The following ADGRL3 variants were observed in gnomAD, a reference collection of about 807,000 sequenced individuals.
ADGRL3 encodes the protein calcium-independent alpha-latrotoxin receptor 3.
Under a neutral mutation model 153.5 loss-of-function variants are expected in ADGRL3, and 62 were observed. The observed-to-expected ratio is 0.40, with a 90% CI of 0.33 to 0.50. The LOEUF (loss-of-function observed/expected upper bound fraction) is 0.50. Among genes scored for constraint, ADGRL3 ranks in the 20% least tolerant of loss-of-function variants. The probability of loss-of-function intolerance (pLI) is 0.47; values close to 1 mark genes in which losing one functional copy is unlikely to be tolerated. For synonymous variants in ADGRL3, 710 were observed against 672.5 expected (o/e 1.06, Z -0.86); for missense variants, 1,641 against 1,859.4 (o/e 0.88, Z 2.16).
At chr4:61,761,858 G>C (rs754740135) in intron 8 of ADGRL3, among the ~76,000 whole-genome samples, 1 of 152,070 alleles carries the variant, frequency 6.6e-6, no homozygotes, top group East Asian at 1.9e-4. Context: ...TTGTGCCCAG[G>C]AGCTGGAGGC....
chr4:61,286,714 A>G (rs1176813958), intron 1 of ADGRL3, among the ~76,000 whole-genome samples: 1 of 151,604 alleles, frequency 6.6e-6, no homozygotes, highest in Non-Finnish European at 1.5e-5. Flanking sequence ...TCTTATGTAA[A>G]TTTATCATAT....
At chr4:61,247,436 G>A (rs1022170097) in intron 1 of ADGRL3, among the ~76,000 whole-genome samples, 2 of 152,030 alleles carry the variant, frequency 1.3e-5, no homozygotes, top group Non-Finnish European at 2.9e-5. Flanking sequence ...CTTTTTGACA[G>A]CACAAATTGT....
chr4:61,269,666 A>G (rs1464049235), intron 1 of ADGRL3, among the ~76,000 whole-genome samples: 1 of 151,776 alleles, frequency 6.6e-6, no homozygotes, highest in African/African-American at 2.4e-5. Flanking sequence ...CGTTTGCAGA[A>G]TAAGCTGTCA....
intron 2 of ADGRL3, among the ~76,000 whole-genome samples, chr4:61,465,401 T>TAGTTACTCAGCTCTG (rs2152636575): frequency 6.6e-6 from 1 of 152,224 alleles, no homozygotes; most frequent in South Asian, 2.1e-4. Flanking sequence ...TGCTTCATTC[T>TAGTTACTCAGCTCTG]AGTTACTCAG....
rs140642428 is a variant in ADGRL3 at position 61,886,279 on chromosome 4, T to C, written c.1481-6377T>C. Among the ~76,000 whole-genome samples the C allele has an allele frequency of 2.0e-5, 3 of 152,324 alleles. No individual in the cohort carries two copies. The East Asian group carries it at 5.8e-4, about 29-fold the overall frequency. On this transcript the variant is annotated intron_variant, in intron 9 of 26. Transcript: ENST00000683033. The stretch of plus-strand genomic sequence containing the variant: ...ATGGGGTCTCAGGCAGAATTTCCTC[T>C]TTCTACCCAGGGCACTGCACAAGTA...
At chr4:61,337,223 C>A (rs72614734) in intron 1 of ADGRL3, among the ~76,000 whole-genome samples, 20,454 of 152,094 alleles carry the variant, frequency 0.13, 1,516 homozygotes, top group South Asian at 0.24. Context: ...TACCCCTGAC[C>A]CCTTTGTGGG....
At position 61,768,644 on chromosome 4, in the gene ADGRL3, A is replaced by G. The variant is rs556287461; in HGVS notation, c.1399+35090A>G. Among the ~76,000 whole-genome samples, 8 of 152,226 alleles carry G rather than the reference A, an allele frequency of 5.3e-5. No individual in the cohort carries two copies. The South Asian group carries it at 1.5e-3, about 28-fold the overall frequency. Reference sequence around the variant, plus strand: ...TATTGGGGTCAAGCGGCATTGCAGAAGAAAATAAGACTCTTAGATTTTAGG... The same window carrying G: ...TATTGGGGTCAAGCGGCATTGCAGAGGAAAATAAGACTCTTAGATTTTAGG... On this transcript the variant is annotated intron_variant, in intron 8 of 26. Transcript: ENST00000683033.
intron 2 of ADGRL3, among the ~76,000 whole-genome samples, chr4:61,406,866 A>G (rs1395633611): frequency 6.6e-6 from 1 of 152,030 alleles, no homozygotes; most frequent in Non-Finnish European, 1.5e-5. Context: ...AAATGATGTC[A>G]TTGGAATTTG....
chr4:61,799,575 C>T (rs2097463462), intron 8 of ADGRL3, among the ~76,000 whole-genome samples: 1 of 152,018 alleles, frequency 6.6e-6, no homozygotes, highest in Non-Finnish European at 1.5e-5. Flanking sequence ...TATCAATAGC[C>T]CTATGTTATA....
intron 1 of ADGRL3, among the ~76,000 whole-genome samples, chr4:61,285,232 C>T (rs2093887238): frequency 6.6e-6 from 1 of 151,740 alleles, no homozygotes; most frequent in Non-Finnish European, 1.5e-5. Context: ...TTTGATAAGC[C>T]TTTAACAAAT....
chr4:61,925,562 G>A (rs1429635325), intron 13 of ADGRL3, among the ~76,000 whole-genome samples: 2 of 152,098 alleles, frequency 1.3e-5, no homozygotes, highest in African/African-American at 4.8e-5. Context: ...TCTGGGGTGG[G>A]CTCTGAGAGA....
At chr4:61,551,457 G>A (rs1406089194) in intron 4 of ADGRL3, among the ~76,000 whole-genome samples, 1 of 152,068 alleles carries the variant, frequency 6.6e-6, no homozygotes, top group Non-Finnish European at 1.5e-5. Context: ...TCAAAACTAA[G>A]AATTTTAATT....
chr4:61,877,397 T>TA (rs2098482091), intron 9 of ADGRL3, among the ~76,000 whole-genome samples: 1 of 152,066 alleles, frequency 6.6e-6, no homozygotes, highest in South Asian at 2.1e-4. Context: ...ATGGGGTGAG[T>TA]AGTTGGTATG....
intron 5 of ADGRL3, among the ~76,000 whole-genome samples, chr4:61,619,017 C>A (rs559574887): frequency 9.2e-5 from 14 of 152,252 alleles, no homozygotes; most frequent in African/African-American, 3.1e-4. Flanking sequence ...CATGCCAGGT[C>A]CCAAGTTTGT....
chr4:61,620,284 A>G (rs1387213264), intron 5 of ADGRL3, among the ~76,000 whole-genome samples: 1 of 152,160 alleles, frequency 6.6e-6, no homozygotes, highest in Non-Finnish European at 1.5e-5. Flanking sequence ...GACAGGCGAT[A>G]ATAGCTAGAC....
chr4:61,913,971 T>C (rs570668501), intron 13 of ADGRL3, among the ~76,000 whole-genome samples: 6 of 152,298 alleles, frequency 3.9e-5, no homozygotes, highest in Admixed American at 2.0e-4. Context: ...TATACATGAA[T>C]ATCTTGATAT....
intron 2 of ADGRL3, among the ~76,000 whole-genome samples, chr4:61,482,856 A>C (rs936263560): frequency 6.6e-6 from 1 of 152,196 alleles, no homozygotes; most frequent in African/African-American, 2.4e-5. Context: ...CATGGTCTCT[A>C]GAATGGGTTG....
intron 4 of ADGRL3, among the ~76,000 whole-genome samples, chr4:61,564,858 G>A (rs1278223971): frequency 6.6e-6 from 1 of 152,188 alleles, no homozygotes; most frequent in Non-Finnish European, 1.5e-5. Context: ...AAGAGAGGAA[G>A]AGAGGAGATG....
intron 4 of ADGRL3, among the ~76,000 whole-genome samples, chr4:61,561,403 C>G (rs943057665): frequency 6.6e-6 from 1 of 152,104 alleles, no homozygotes; most frequent in African/African-American, 2.4e-5. Context: ...TCATTTAACT[C>G]CAGGTACACT....
Sources: gnomAD v4.1 joint callset for allele counts (sites outside exome capture counted in the v4.1 genomes callset) on GRCh38, gnomAD v4.1.1 for gene constraint, MANE v1.5 for transcripts, NCBI Gene and HGNC (gene_info 2026-07-23, HGNC 2026-07-21) for gene names.